The following STPG2 variants were observed in gnomAD, a reference collection of about 807,000 sequenced individuals.
The protein encoded by STPG2 is sperm-tail PG-rich repeat-containing protein 2.
Under a neutral mutation model 54.2 loss-of-function variants are expected in STPG2, and 56 were observed. That is an observed-to-expected ratio of 1.03 (90% confidence interval 0.83 to 1.29). STPG2 has a LOEUF of 1.29. STPG2 is among the 50% of genes most tolerant of loss of function. The pLI, the probability that STPG2 is intolerant of heterozygous loss-of-function variation, is 0.00. For synonymous variants in STPG2, 200 were observed against 181.8 expected, an observed-to-expected ratio of 1.10 and a Z score of -0.81; for missense variants, 596 against 544.9, an observed-to-expected ratio of 1.09 and a Z score of -0.93.
At chr4:97,552,112 A>AAAAC (rs1335727090) in intron 4 of STPG2, among the ~76,000 whole-genome samples, 1 of 152,188 alleles carries the variant, frequency 6.6e-6, no homozygotes, top group Non-Finnish European at 1.5e-5. Context: ...AAATAGAAAA[A>AAAAC]AAACATATTG....
intron 8 of STPG2, among the ~76,000 whole-genome samples, chr4:97,843,490 CA>C (rs2149123891): frequency 1.3e-5 from 2 of 151,994 alleles, no homozygotes; most frequent in South Asian, 4.1e-4. Flanking sequence ...TAAGGAGTAG[CA>C]GTGTTGGCTT....
chr4:97,836,345 T>G (rs1285046472), intron 9 of STPG2, among the ~76,000 whole-genome samples: 2 of 151,986 alleles, frequency 1.3e-5, no homozygotes, highest in Admixed American at 1.3e-4. Flanking sequence ...GAAGACTCAC[T>G]GAAAGCTCAA....
intron 4 of STPG2, among the ~76,000 whole-genome samples, chr4:97,506,766 A>G (rs1730853173): frequency 6.6e-6 from 1 of 151,938 alleles, no homozygotes; most frequent in South Asian, 2.1e-4. Flanking sequence ...CTAACAAAGT[A>G]GTATAAAATG....
intron 9 of STPG2, among the ~76,000 whole-genome samples, chr4:97,802,881 TA>T (rs1727441337): frequency 6.6e-6 from 1 of 152,094 alleles, no homozygotes; most frequent in Admixed American, 6.6e-5. Context: ...ATATTTGAAG[TA>T]AAAAAAGATC....
At chr4:97,577,529 T>C (rs1182077461) in intron 10 of STPG2, among the ~76,000 whole-genome samples, 1 of 152,072 alleles carries the variant, frequency 6.6e-6, no homozygotes, top group Non-Finnish European at 1.5e-5. Flanking sequence ...GAGCTAAACA[T>C]TGGGTACACA....
chr4:98,063,386 T>C (rs972006496), intron 5 of STPG2, among the ~76,000 whole-genome samples: 2 of 151,948 alleles, frequency 1.3e-5, no homozygotes, highest in South Asian at 2.1e-4. Context: ...GAGGTGGAGA[T>C]TGCAGTGAGC....
chr4:97,580,521 T>C (rs1156668263), intron 10 of STPG2, among the ~76,000 whole-genome samples: 1 of 142,270 alleles, frequency 7.0e-6, no homozygotes, highest in Non-Finnish European at 1.5e-5. Flanking sequence ...CATTTCACCC[T>C]CTCTGTCTCT....
chr4:97,932,407 T>C (rs1732584436), intron 8 of STPG2, among the ~76,000 whole-genome samples: 2 of 152,128 alleles, frequency 1.3e-5, no homozygotes, highest in South Asian at 4.1e-4. Context: ...CAGAACATGC[T>C]AGTTTGTCAC....
At chr4:97,525,877 C>CT (rs1189781341) in intron 4 of STPG2, among the ~76,000 whole-genome samples, 1 of 151,822 alleles carries the variant, frequency 6.6e-6, no homozygotes, top group Non-Finnish European at 1.5e-5. Flanking sequence ...TAAATGTCTT[C>CT]TTTTTTTGGA....
intron 8 of STPG2, among the ~76,000 whole-genome samples, chr4:97,887,091 T>C (rs1730599295): frequency 1.3e-5 from 2 of 152,192 alleles, no homozygotes; most frequent in Admixed American, 1.3e-4. Context: ...CTTTTCTTTA[T>C]AAACTACTCA....
At chr4:98,134,802 T>C (rs986467944) in intron 1 of STPG2, among the ~76,000 whole-genome samples, 2 of 151,786 alleles carry the variant, frequency 1.3e-5, no homozygotes, top group African/African-American at 4.8e-5. Flanking sequence ...AAGACCATTG[T>C]TTTATATTTT....
At chr4:98,086,008 T>G (rs1244860614) in intron 5 of STPG2, among the ~76,000 whole-genome samples, 1 of 152,070 alleles carries the variant, frequency 6.6e-6, no homozygotes, top group Non-Finnish European at 1.5e-5. Context: ...ATAAAAAAAT[T>G]TAAAACAGAA....
intron 8 of STPG2, among the ~76,000 whole-genome samples, chr4:97,876,459 C>T (rs1730175772): frequency 6.6e-6 from 1 of 151,762 alleles, no homozygotes; most frequent in Admixed American, 6.6e-5. Flanking sequence ...GGATGTGGGA[C>T]CATAAAAAGG....
chr4:97,542,805 T>C (rs531101753), intron 4 of STPG2, among the ~76,000 whole-genome samples: 1 of 151,684 alleles, frequency 6.6e-6, no homozygotes, highest in Admixed American at 6.6e-5. Context: ...AAATGATGAG[T>C]TCATGTCCTT....
intron 1 of STPG2, 70 bp downstream of exon 1, chr4:98,142,972 G>A (rs747862655): frequency 5.2e-4 from 691 of 1,335,092 alleles, no homozygotes; most frequent in Non-Finnish European, 6.6e-4. Context: ...TAACTCACAA[G>A]CACGCAGAAG....
At chr4:97,778,656 G>A (rs538507518) in intron 9 of STPG2, among the ~76,000 whole-genome samples, 21 of 152,300 alleles carry the variant, frequency 1.4e-4, no homozygotes, top group African/African-American at 4.1e-4. Context: ...CCTGACCCCC[G>A]AGTAGCCTAT....
intron 7 of STPG2, among the ~76,000 whole-genome samples, chr4:97,950,410 G>C (rs914114652): frequency 1.3e-5 from 2 of 151,938 alleles, no homozygotes; most frequent in Admixed American, 1.3e-4. Flanking sequence ...ACCACATTTT[G>C]TAATTCCCTA....
At chr4:97,441,911 C>A (rs1409479326) in intron 4 of STPG2, among the ~76,000 whole-genome samples, 1 of 151,892 alleles carries the variant, frequency 6.6e-6, no homozygotes, top group Non-Finnish European at 1.5e-5. Flanking sequence ...CCTGTTAAAA[C>A]TTTCACAATA....
At chr4:97,954,974 GA>G (rs1363712177) in intron 7 of STPG2, among the ~76,000 whole-genome samples, 2 of 152,018 alleles carry the variant, frequency 1.3e-5, no homozygotes, top group African/African-American at 2.4e-5. Flanking sequence ...TAAAACAGAT[GA>G]AAAAATAGAA....
Sources: allele counts gnomAD v4.1 joint callset (sites outside exome capture counted in the v4.1 genomes callset), GRCh38; gene constraint gnomAD v4.1.1; transcripts MANE v1.5; gene names NCBI Gene and HGNC (gene_info 2026-07-23, HGNC 2026-07-21).